PTDSS2: variants seen among roughly 807,000 people sequenced by gnomAD.
The protein encoded by PTDSS2 is PSS-2.
A neutral mutation model predicts 64.7 loss-of-function variants in PTDSS2; 41 were observed. The ratio of observed to expected loss-of-function variants is 0.63; its 90% confidence interval spans 0.49 to 0.82. The LOEUF is 0.82. PTDSS2 is among the 40% of genes least tolerant of loss of function. The pLI, the probability that PTDSS2 is intolerant of heterozygous loss-of-function variation, is 0.00. For missense variants in PTDSS2, 485 were observed against 650.0 expected (o/e 0.75, Z 2.76); for synonymous variants, 297 against 277.8 (o/e 1.07, Z -0.69).
upstream of PTDSS2, chr11:450,164 G>A (rs1015782875): frequency 1.3e-5 from 4 of 308,942 alleles, no homozygotes; most frequent in African/African-American, 6.5e-5. Context: ...CAGCCGCAGG[G>A]CGGTCCGGCT....
chr11:489,288 C>T (rs1282681125), intron 8 of PTDSS2, 112 bp from the exon 9 acceptor site: 7 of 848,564 alleles, frequency 8.2e-6, no homozygotes, highest in African/African-American at 3.4e-5. Flanking sequence ...GAGCAGAGCT[C>T]GTCCGATGGC....
rs866855029 is a variant in PTDSS2, at chr11:462,112, G to A, written c.284+1824G>A. 2.6e-5 allele frequency among the ~76,000 whole-genome samples: 4 copies of A among 152,072 alleles called. No homozygotes were observed. The highest frequency in any genetic ancestry group is 2.1e-4 in the South Asian group (1 of 4,832). ...AGGGGGTGTCTTGGGAGCACTCCCC[G>A]AAAGCATTCACCAGGCCCCCACCAG... is the stretch of plus-strand genomic sequence containing the variant. On this transcript the variant is annotated intron_variant, in intron 2 of 11. Transcript: ENST00000308020. This position sits in a 1 kb window ranked among gnomAD's most constrained non-coding sequence, Gnocchi z 4.5.
At chr11:487,702 G>A (rs948283720) in intron 6 of PTDSS2, among the ~76,000 whole-genome samples, 2 of 152,190 alleles carry the variant, frequency 1.3e-5, no homozygotes, top group African/African-American at 2.4e-5. Context: ...GGAAAGAGGC[G>A]GCAGGGCAGG....
chr11:484,211 C>T (rs961020659), intron 4 of PTDSS2, among the ~76,000 whole-genome samples: 1 of 152,208 alleles, frequency 6.6e-6, no homozygotes, highest in Non-Finnish European at 1.5e-5. Context: ...GGAATTTCCA[C>T]GTGGTTCCTG....
Position 488,329 on chromosome 11 carries a change from C to T in PTDSS2, c.735+17C>T, listed in dbSNP as rs750545500. The stretch of plus-strand genomic sequence containing the variant: ...TGGGATCACGTAGGTGCCAGCACAG[C>T]CCCCGGGGCAGTCGGTGCAGGCTGA... On this transcript the variant is annotated intron_variant, in intron 7 of 11. Transcript: ENST00000308020. The T allele has an allele frequency of 8.8e-6, 14 of 1,588,432 alleles. No homozygotes were observed. The highest frequency in any genetic ancestry group is 8.6e-7 in the Non-Finnish European group (1 of 1,158,846).
chr11:455,751 C>T (rs978070644), intron 1 of PTDSS2, among the ~76,000 whole-genome samples: 30 of 152,214 alleles, frequency 2.0e-4, no homozygotes, highest in African/African-American at 7.0e-4. Context: ...CCTGGCTTTG[C>T]AACAAAAATA....
intron 2 of PTDSS2, among the ~76,000 whole-genome samples, chr11:471,820 T>G (rs1295484186): frequency 7.0e-4 from 86 of 123,196 alleles, no homozygotes; most frequent in Non-Finnish European, 1.1e-3. Flanking sequence ...GATGGCGGCC[T>G]GGGGTGACGC....
At chr11:454,074 C>T (rs1027490645) in intron 1 of PTDSS2, among the ~76,000 whole-genome samples, 1 of 152,252 alleles carries the variant, frequency 6.6e-6, no homozygotes, top group Non-Finnish European at 1.5e-5. Context: ...GAGCGGCACT[C>T]TGTCACTTCC....
At chr11:454,678 G>A (rs912329762) in intron 1 of PTDSS2, among the ~76,000 whole-genome samples, 8 of 152,154 alleles carry the variant, frequency 5.3e-5, no homozygotes, top group Admixed American at 2.6e-4. Context: ...GGTGGCGGGC[G>A]CCTGTAATCC....
In PTDSS2 at chr11:479,391, G is replaced by A. The variant is rs1847968411; in HGVS notation, c.435+239G>A. ...AGGCCGAGCTGCGGGGGGCCTCCAG[G>A]AGCATCTGCTGGTGGGGCGCTGACT... is the stretch of plus-strand genomic sequence containing the variant. On this transcript the variant is annotated intron_variant, in intron 4 of 11. Coordinates refer to ENST00000308020, the MANE Select transcript of PTDSS2 (RefSeq NM_030783.3). The surrounding 1 kb of genome is among the most constrained non-coding windows in gnomAD (Gnocchi z 4.2). 6.8e-6 allele frequency: 4 copies of A among 591,500 alleles called. No individual in the cohort carries two copies. Among genetic ancestry groups the A allele is most frequent in the Non-Finnish European group, 1.2e-5 (4 of 332,978 alleles). 36.6% of individuals were successfully genotyped at this position (591,500 alleles called of 1,614,324 possible).
At position 470,963 on chromosome 11, in the gene PTDSS2, C is replaced by T. The variant is rs2856239; in HGVS notation, c.285-2932C>T. Among the ~76,000 whole-genome samples the T allele has an allele frequency of 4.8e-3, 738 of 152,226 alleles. 3 individuals carry two copies. The highest frequency in any genetic ancestry group is 8.2e-3 in the Non-Finnish European group (555 of 68,014). On this transcript the variant is annotated intron_variant, in intron 2 of 11. Transcript: ENST00000308020. The surrounding 1 kb of genome is among the most constrained non-coding windows in gnomAD (Gnocchi z 5.3). ...GATATGGGAGCTTTTACTATTTTTA[C>T]AATAATTCTGTAAATCTAAAACCAT...
intron 5 of PTDSS2, 78 bp from the exon 6 acceptor site, chr11:487,342 G>A: frequency 7.4e-7 from 1 of 1,347,766 alleles, no homozygotes; most frequent in Non-Finnish European, 1.1e-6. Context: ...GTGCTGCTCA[G>A]GTGTGGGCTG....
In PTDSS2 at chr11:473,876, G is replaced by A. The variant is rs370198255; in HGVS notation, c.285-19G>A. 4 of 1,598,812 alleles carry A rather than the reference G, an allele frequency of 2.5e-6. No individual in the cohort carries two copies. Among genetic ancestry groups the A allele is most frequent in the Middle Eastern group, 3.3e-4 (2 of 6,034 alleles). On this transcript the variant is annotated intron_variant, in intron 2 of 11. Coordinates refer to ENST00000308020, the MANE Select transcript of PTDSS2 (RefSeq NM_030783.3). ...AGAAGCCTGCACACACTGAGGGGCT[G>A]TTTGTTCTTTATTTGCAGAGGTATT...
Position 462,028 on chromosome 11 carries a change from C to T in PTDSS2, c.284+1740C>T, listed in dbSNP as rs554949722. On this transcript the variant is annotated intron_variant, in intron 2 of 11. Coordinates refer to ENST00000308020, the MANE Select transcript of PTDSS2 (RefSeq NM_030783.3). This position sits in a 1 kb window ranked among gnomAD's most constrained non-coding sequence, Gnocchi z 4.5. ...ACAGCAGGGTAGGTGGATTAGGAAG[C>T]AGGACCGGGTCTCACCTCAAGTGTC... 2.0e-5 allele frequency among the ~76,000 whole-genome samples: 3 copies of T among 152,312 alleles called. No homozygotes were observed. Among genetic ancestry groups the T allele is most frequent in the South Asian group, 2.1e-4 (1 of 4,832 alleles).
At chr11:488,160 G>C in intron 6 of PTDSS2, 39 bp from the exon 7 acceptor site, 1 of 1,490,222 alleles carries the variant, frequency 6.7e-7, no homozygotes, top group South Asian at 1.1e-5. Context: ...GCCGGGTGTG[G>C]CCGGCGTCCC....
At chr11:448,573 G>GGGCCTGGGGCAGGGGGCCA (rs1161756308), upstream of PTDSS2, among the ~76,000 whole-genome samples, 3 of 152,208 alleles carry the variant, frequency 2.0e-5, no homozygotes, top group Non-Finnish European at 4.4e-5. Context: ...GACGCGGCCA[G>GGGCCTGGGGCAGGGGGCCA]GGCCTGGGGC....
At position 486,924 on chromosome 11, in the gene PTDSS2, G is replaced by A. The variant is rs1295791646; in HGVS notation, c.436-15G>A. On this transcript the variant is annotated splice_polypyrimidine_tract_variant and intron_variant, in intron 4 of 11. Transcript: ENST00000308020. ...ACTAACTGTAGCCCCGCTGACGGGG[G>A]CACTGGCCTTGCAGACTGTCCAGGA... 3 of 1,601,022 alleles carry A rather than the reference G, an allele frequency of 1.9e-6. No homozygotes were observed. The highest frequency in any genetic ancestry group is 2.6e-6 in the Non-Finnish European group (3 of 1,172,980).
chr11:475,156 T>C (rs1847704421), intron 3 of PTDSS2, among the ~76,000 whole-genome samples: 1 of 144,062 alleles, frequency 6.9e-6, no homozygotes, highest in African/African-American at 2.6e-5. Flanking sequence ...TACGGACATA[T>C]TCACGCGTTT....
Position 489,732 on chromosome 11 carries a change from C to A in PTDSS2, c.1114C>A (p.Pro372Thr). Residue 372 changes from proline (P) to threonine (T), a missense_variant and splice_region_variant, in exon 10 of 12, where the codon CCG becomes ACG. Physicochemically the swap from Pro to Thr is conservative, Grantham distance 38. This residue lies in a region of PTDSS2 where 219 missense variants were observed against 257.3 expected (regional missense o/e 0.85). Transcript: ENST00000308020. ...TGAGATCTACGACTTCATGGATGAC[C>A]CGTGAGGGCTGCGGCAGTCCGGGTG... ...MREIYDFMDD[P>T]KPHKKLGPQA... 1 of 1,608,608 alleles carries A rather than the reference C, an allele frequency of 6.2e-7. No individual in the cohort carries two copies. The highest frequency in any genetic ancestry group is 1.1e-5 in the South Asian group (1 of 90,132).
Sources: gnomAD v4.1 joint callset for allele counts (sites outside exome capture counted in the v4.1 genomes callset) on GRCh38, gnomAD v4.1.1 for gene constraint, gnomAD v4.1.1 regional missense constraint, Gnocchi (gnomAD v3.1) non-coding constraint, MANE v1.5 for transcripts, NCBI Gene and HGNC (gene_info 2026-07-23, HGNC 2026-07-21) for gene names.